Variants in ELMO1 observed in about 807,000 individuals in gnomAD.
The protein encoded by ELMO1 is engulfment and cell motility protein 1.
Under a neutral mutation model 98.9 loss-of-function variants are expected in ELMO1, and 26 were observed. The ratio of observed to expected loss-of-function variants is 0.26; its 90% confidence interval spans 0.19 to 0.36. ELMO1 has a LOEUF of 0.36. Among genes scored for constraint, ELMO1 ranks in the 10% least tolerant of loss-of-function variants. The probability of loss-of-function intolerance (pLI) is 1.00; values close to 1 mark genes in which losing one functional copy is unlikely to be tolerated. For synonymous variants in ELMO1, 346 were observed against 346.0 expected (o/e 1.00, Z 0.00); for missense variants, 627 against 935.2 (o/e 0.67, Z 4.30).
chr7:37,188,897 T>G (rs1051162476), intron 13 of ELMO1, among the ~76,000 whole-genome samples: 1 of 148,048 alleles, frequency 6.8e-6, no homozygotes, highest in Non-Finnish European at 1.5e-5. Context: ...ACAAGTTTCA[T>G]CATTGCTGCA....
intron 13 of ELMO1, among the ~76,000 whole-genome samples, chr7:37,135,421 G>A (rs1787204143): frequency 6.6e-6 from 1 of 152,134 alleles, no homozygotes; most frequent in African/African-American, 2.4e-5. Flanking sequence ...GGCTCCCTGG[G>A]AGGCAACCAG....
intron 1 of ELMO1, among the ~76,000 whole-genome samples, chr7:37,432,841 G>C (rs971203359): frequency 6.6e-6 from 1 of 152,276 alleles, no homozygotes; most frequent in African/African-American, 2.4e-5. Flanking sequence ...GTTCTTTCCA[G>C]TTATGGTCTT....
chr7:37,124,506 G>A (rs1786349520), intron 14 of ELMO1, among the ~76,000 whole-genome samples: 1 of 152,130 alleles, frequency 6.6e-6, no homozygotes, highest in African/African-American at 2.4e-5. Context: ...CAAACAGAGA[G>A]CTAAATCATG....
chr7:37,258,899 C>A (rs1160240323), intron 6 of ELMO1, among the ~76,000 whole-genome samples: 1 of 151,764 alleles, frequency 6.6e-6, no homozygotes, highest in Non-Finnish European at 1.5e-5. Context: ...TGCCAAGGCC[C>A]TCTGAGATAA....
chr7:37,279,947 A>G (rs1433734356), intron 4 of ELMO1, among the ~76,000 whole-genome samples: 1 of 152,234 alleles, frequency 6.6e-6, no homozygotes, highest in Non-Finnish European at 1.5e-5. Context: ...CCTGATTTCA[A>G]ACTATACTAT....
At chr7:37,292,758 G>C (rs1350308412) in intron 4 of ELMO1, among the ~76,000 whole-genome samples, 1 of 97,362 alleles carries the variant, frequency 1.0e-5, no homozygotes. Flanking sequence ...CCCCCCGCCC[G>C]GCCAGCCACC....
At chr7:36,906,696 T>TGGGAGGATCGCTTGAGCCCAGGCTGCAA (rs947785947) in intron 16 of ELMO1, among the ~76,000 whole-genome samples, 1 of 151,776 alleles carries the variant, frequency 6.6e-6, no homozygotes, top group Non-Finnish European at 1.5e-5. Context: ...GAGGCTGGGG[T>TGGGAGGATCGCTTGAGCCCAGGCTGCAA]GGGAGGATCG....
chr7:37,148,120 G>A (rs185103052), intron 13 of ELMO1, among the ~76,000 whole-genome samples: 111 of 152,310 alleles, frequency 7.3e-4, no homozygotes, highest in African/African-American at 2.2e-3. Flanking sequence ...GCAACCCCTA[G>A]AGTTCCTTCT....
chr7:37,001,930 T>C (rs912323008), intron 16 of ELMO1: 3 of 152,214 alleles, frequency 2.0e-5, no homozygotes, highest in African/African-American at 4.8e-5. Context: ...CAGATCTGTG[T>C]TGGAGGAGAT....
At chr7:36,895,135 T>A in intron 16 of ELMO1, 118 bp from the exon 17 acceptor site, 1 of 1,167,942 alleles carries the variant, frequency 8.6e-7, no homozygotes, top group Non-Finnish European at 1.2e-6. Flanking sequence ...TGCTCAGCAT[T>A]AACCTTGAGC....
chr7:37,085,481 ACTAT>A (rs770301601), intron 15 of ELMO1, among the ~76,000 whole-genome samples: 6 of 152,056 alleles, frequency 3.9e-5, no homozygotes, highest in East Asian at 1.9e-4. Flanking sequence ...AGTTTATTTT[ACTAT>A]CTATTAGAAT....
intron 4 of ELMO1, among the ~76,000 whole-genome samples, chr7:37,285,709 A>G (rs893286855): frequency 3.9e-5 from 6 of 152,178 alleles, no homozygotes; most frequent in African/African-American, 1.4e-4. Flanking sequence ...AATGCCTAAT[A>G]TTATGGGTAT....
chr7:36,864,125 T>G (rs1293954129), intron 20 of ELMO1, among the ~76,000 whole-genome samples: 1 of 152,194 alleles, frequency 6.6e-6, no homozygotes, highest in Non-Finnish European at 1.5e-5. Context: ...CTCAGGGAAA[T>G]CACGTGGCTG....
intron 6 of ELMO1, among the ~76,000 whole-genome samples, chr7:37,245,814 G>A (rs1285289697): frequency 6.6e-6 from 1 of 152,130 alleles, no homozygotes; most frequent in African/African-American, 2.4e-5. Context: ...AAAACATAAC[G>A]CAATACAGGT....
intron 16 of ELMO1, among the ~76,000 whole-genome samples, chr7:36,935,648 A>G (rs1786462192): frequency 6.6e-6 from 1 of 152,176 alleles, no homozygotes; most frequent in African/African-American, 2.4e-5. Context: ...ACACCACAAC[A>G]GCGTTTTTCA....
intron 1 of ELMO1, among the ~76,000 whole-genome samples, chr7:37,428,085 G>A (rs1191216000): frequency 1.3e-5 from 2 of 151,648 alleles, no homozygotes; most frequent in African/African-American, 4.9e-5. Context: ...ACGTTGGAGG[G>A]GAACAGAGAC....
chr7:37,350,407 T>C (rs922007231), intron 1 of ELMO1, among the ~76,000 whole-genome samples: 1 of 152,194 alleles, frequency 6.6e-6, no homozygotes, highest in Non-Finnish European at 1.5e-5. Flanking sequence ...GCTTTCCCAG[T>C]GTCTGGCATT....
intron 16 of ELMO1, among the ~76,000 whole-genome samples, chr7:36,915,074 C>T (rs1055004471): frequency 2.0e-5 from 3 of 152,072 alleles, no homozygotes; most frequent in African/African-American, 7.2e-5. Context: ...GTGTGCACCA[C>T]CACATCCTGC....
intron 16 of ELMO1, among the ~76,000 whole-genome samples, chr7:36,901,364 G>T (rs187883302): frequency 6.8e-4 from 104 of 152,292 alleles, no homozygotes; most frequent in African/African-American, 2.4e-3. Flanking sequence ...TTAGACAGGG[G>T]TTAGCAAACT....
Sources: allele counts gnomAD v4.1 joint callset (sites outside exome capture counted in the v4.1 genomes callset), GRCh38; gene constraint gnomAD v4.1.1; transcripts MANE v1.5; gene names NCBI Gene and HGNC (gene_info 2026-07-23, HGNC 2026-07-21).